C1orf21: variants seen among roughly 807,000 people sequenced by gnomAD.
The protein encoded by C1orf21 is chromosome 1 open reading frame 21.
C1orf21 carries 3 observed loss-of-function variants against 18.7 expected under a neutral mutation model. The observed-to-expected ratio is 0.16, with a 90% CI of 0.07 to 0.42. The LOEUF is 0.42. Ranked by LOEUF, C1orf21 falls within the 10% of genes least tolerant of loss-of-function variation. The pLI, the probability that C1orf21 is intolerant of heterozygous loss-of-function variation, is 0.99. For missense variants in C1orf21, 104 were observed against 143.6 expected (o/e 0.72, Z 1.41); for synonymous variants, 41 against 46.4 (o/e 0.88, Z 0.47).
At position 184,413,775 on chromosome 1, in the gene C1orf21, G is replaced by T. The variant is rs1428024318; in HGVS notation, c.-125+26407G>T. 3.3e-5 allele frequency among the ~76,000 whole-genome samples: 5 copies of T among 152,136 alleles called. No homozygotes were observed. The East Asian group carries it at 5.8e-4, about 18-fold the overall frequency. On this transcript the variant is annotated intron_variant, in intron 1 of 5. Coordinates refer to ENST00000235307, the MANE Select transcript of C1orf21 (RefSeq NM_030806.4). ...TACCATGAAAATACGGTCCCTGTGT[G>T]GTGGGGTTATCTTCAGGCCTCTTTT...
chr1:184,573,751 T>C (rs1659146753), intron 3 of C1orf21, among the ~76,000 whole-genome samples: 1 of 152,102 alleles, frequency 6.6e-6, no homozygotes, highest in African/African-American at 2.4e-5. Context: ...GGATGACAGG[T>C]TCATTCATAC....
intron 2 of C1orf21, among the ~76,000 whole-genome samples, chr1:184,485,921 A>T (rs1455383256): frequency 6.6e-6 from 1 of 152,144 alleles, no homozygotes; most frequent in African/African-American, 2.4e-5. Context: ...AGGGCAGGAG[A>T]AGTGTTTGAC....
intron 1 of C1orf21, among the ~76,000 whole-genome samples, chr1:184,454,202 A>G (rs1050294044): frequency 1.1e-4 from 16 of 152,196 alleles, no homozygotes; most frequent in African/African-American, 3.9e-4. Flanking sequence ...AAGTTTTGCT[A>G]TATTTTATAT....
chr1:184,464,792 C>A (rs1409222819), intron 1 of C1orf21, among the ~76,000 whole-genome samples: 1 of 152,122 alleles, frequency 6.6e-6, no homozygotes, highest in African/African-American at 2.4e-5. Context: ...GTTTTCGAGA[C>A]CCACCTGATG....
chr1:184,396,144 T>C (rs1236542414), intron 1 of C1orf21, among the ~76,000 whole-genome samples: 1 of 152,206 alleles, frequency 6.6e-6, no homozygotes, highest in East Asian at 1.9e-4. Context: ...GCTGATGAAC[T>C]ATGCAAATCC....
chr1:184,616,206 C>T (rs1480052351), intron 5 of C1orf21, among the ~76,000 whole-genome samples: 1 of 152,120 alleles, frequency 6.6e-6, no homozygotes, highest in African/African-American at 2.4e-5. Flanking sequence ...AGTTTGTTAC[C>T]AAAGAAGTTG....
intron 1 of C1orf21, among the ~76,000 whole-genome samples, chr1:184,468,923 CAAAACAAAAG>C (rs112888935): frequency 0.11 from 16,187 of 149,896 alleles, 993 homozygotes; most frequent in Middle Eastern, 0.2. Context: ...ATCCCAAAAA[CAAAACAAAAG>C]AAAACAAAAC....
rs1660009777 is a variant in C1orf21 at position 184,626,344 on chromosome 1, G to A, written c.*6788G>A. The A allele has an allele frequency of 1.3e-5, 2 of 152,266 alleles. No individual in the cohort carries two copies. Among genetic ancestry groups the A allele is most frequent in the South Asian group, 2.1e-4 (1 of 4,830 alleles). 9.4% of individuals were successfully genotyped at this position (152,266 alleles called of 1,614,324 possible). On this transcript the variant is annotated 3_prime_UTR_variant, in exon 6 of 6. Transcript: ENST00000235307. ...CAAAGCCCGGATGTGTCAGAGGACT[G>A]AGGGAGAGTGTTACTAAAGGACTTT...
intron 2 of C1orf21, among the ~76,000 whole-genome samples, chr1:184,479,613 CTTTTTTTTT>C (rs55840285): frequency 4.8e-5 from 3 of 62,214 alleles, no homozygotes; most frequent in Non-Finnish European, 8.7e-5. Context: ...TCCCATAGGT[CTTTTTTTTT>C]TTTTTTTTTT....
intron 1 of C1orf21, among the ~76,000 whole-genome samples, chr1:184,471,423 A>C (rs1657494957): frequency 6.6e-6 from 1 of 152,182 alleles, no homozygotes; most frequent in Admixed American, 6.5e-5. Flanking sequence ...CAAAGAGTGT[A>C]AATAAATTGA....
At chr1:184,512,318 TA>T (rs1476025497) in intron 3 of C1orf21, among the ~76,000 whole-genome samples, 1 of 152,242 alleles carries the variant, frequency 6.6e-6, no homozygotes, top group Non-Finnish European at 1.5e-5. Flanking sequence ...CTCATGAGGC[TA>T]AAAACTATCT....
chr1:184,494,031 A>G (rs1657854552), intron 2 of C1orf21, among the ~76,000 whole-genome samples: 1 of 152,234 alleles, frequency 6.6e-6, no homozygotes, highest in Non-Finnish European at 1.5e-5. Context: ...TCTAGCAGGT[A>G]ATAAAGGTAA....
At chr1:184,396,482 A>G (rs1430979528) in intron 1 of C1orf21, among the ~76,000 whole-genome samples, 1 of 152,216 alleles carries the variant, frequency 6.6e-6, no homozygotes, top group Admixed American at 6.5e-5. Context: ...TGGTTGGATT[A>G]TACTCTGAGC....
chr1:184,450,013 C>T (rs567606935), intron 1 of C1orf21, among the ~76,000 whole-genome samples: 85 of 152,212 alleles, frequency 5.6e-4, no homozygotes, highest in African/African-American at 2.0e-3. Context: ...GAACACAAGA[C>T]GGAGGGAGGT....
intron 1 of C1orf21, among the ~76,000 whole-genome samples, chr1:184,429,124 A>C (rs1318980991): frequency 1.3e-5 from 2 of 152,184 alleles, no homozygotes; most frequent in African/African-American, 4.8e-5. Context: ...AAACACTTTG[A>C]TTACTCAGAT....
intron 5 of C1orf21, among the ~76,000 whole-genome samples, chr1:184,604,927 A>G (rs1429166986): frequency 6.6e-6 from 1 of 152,240 alleles, no homozygotes; most frequent in Non-Finnish European, 1.5e-5. Context: ...GAAGAAAAGG[A>G]GAGTTCAGTT....
chr1:184,445,433 C>T (rs1229819895), intron 1 of C1orf21, among the ~76,000 whole-genome samples: 17 of 149,810 alleles, frequency 1.1e-4, no homozygotes, highest in African/African-American at 4.2e-4. Context: ...CTCTTTACCC[C>T]CCCACCCAAC....
Position 184,628,759 on chromosome 1 carries a change from T to C in C1orf21, c.*9203T>C, listed in dbSNP as rs926252891. On this transcript the variant is annotated 3_prime_UTR_variant, in exon 6 of 6. Transcript: ENST00000235307. Reference sequence around the variant, plus strand: ...GGTCTCCAGAAAAGGACACTGGCAATATCCCCAGCTCTCTCCTGATTGGAA... The same window carrying C: ...GGTCTCCAGAAAAGGACACTGGCAACATCCCCAGCTCTCTCCTGATTGGAA... 1.3e-5 allele frequency: 2 copies of C among 152,612 alleles called. No individual in the cohort carries two copies. The highest frequency in any genetic ancestry group is 4.8e-5 in the African/African-American group (2 of 41,434). 9.5% of individuals were successfully genotyped at this position (152,612 alleles called of 1,614,324 possible).
intron 1 of C1orf21, among the ~76,000 whole-genome samples, chr1:184,415,645 A>G (rs934868221): frequency 6.6e-6 from 1 of 152,202 alleles, no homozygotes. Context: ...TATTGGAAGC[A>G]TCATGGAGTG....
Sources: allele counts gnomAD v4.1 joint callset (sites outside exome capture counted in the v4.1 genomes callset), GRCh38; gene constraint gnomAD v4.1.1; transcripts MANE v1.5; gene names NCBI Gene and HGNC (gene_info 2026-07-23, HGNC 2026-07-21).